The following MCTP1 variants were observed in gnomAD, a reference collection of about 807,000 sequenced individuals.
MCTP1 encodes the protein multiple C2 and transmembrane domain containing 1.
In MCTP1, 69 loss-of-function variants were observed where a neutral mutation model predicts 120.6. The observed-to-expected ratio is 0.57, with a 90% confidence interval of 0.47 to 0.70. The LOEUF is 0.70. MCTP1 is among the 30% of genes least tolerant of loss of function. The pLI is 0.00. For synonymous variants in MCTP1, 529 were observed against 493.1 expected (o/e 1.07, Z -0.96); for missense variants, 1,203 against 1,248.8 (o/e 0.96, Z 0.55).
chr5:94,826,633 C>A, intron 17 of MCTP1: 1 of 773,010 alleles, frequency 1.3e-6, no homozygotes. Context: ...AATTCCTTCA[C>A]TTTTTCTTGA....
chr5:94,797,150 T>G (rs757564730), intron 18 of MCTP1, among the ~76,000 whole-genome samples: 1 of 152,112 alleles, frequency 6.6e-6, no homozygotes, highest in South Asian at 2.1e-4. Flanking sequence ...AAAGGATACA[T>G]TATATATTAT....
At chr5:95,013,400 A>T (rs1475174810) in intron 2 of MCTP1, among the ~76,000 whole-genome samples, 1 of 152,188 alleles carries the variant, frequency 6.6e-6, no homozygotes, top group Non-Finnish European at 1.5e-5. Context: ...TTGGAAGAAG[A>T]TGCCATCGAG....
At chr5:95,061,129 G>A (rs1229298579) in intron 1 of MCTP1, among the ~76,000 whole-genome samples, 1 of 151,468 alleles carries the variant, frequency 6.6e-6, no homozygotes, top group Non-Finnish European at 1.5e-5. Context: ...GGTCATGGGA[G>A]ATGCATTGAC....
At chr5:94,711,884 T>G (rs1757169585) in intron 20 of MCTP1, among the ~76,000 whole-genome samples, 1 of 152,120 alleles carries the variant, frequency 6.6e-6, no homozygotes, top group African/African-American at 2.4e-5. Context: ...CTTAAGGCTT[T>G]TTGTGTGGAA....
At chr5:94,959,761 A>G (rs1427922336) in intron 2 of MCTP1, among the ~76,000 whole-genome samples, 1 of 152,206 alleles carries the variant, frequency 6.6e-6, no homozygotes, top group Non-Finnish European at 1.5e-5. Context: ...TGCTCAAGGA[A>G]ATAAGAGAGG....
chr5:95,201,477 T>G (rs1217936708), intron 1 of MCTP1, among the ~76,000 whole-genome samples: 11 of 3,232 alleles, frequency 3.4e-3, no homozygotes, highest in South Asian at 0.031. Flanking sequence ...TTTTTTTTTT[T>G]TTTTTTTTTT....
At chr5:94,876,091 C>A (rs983992626) in intron 12 of MCTP1, among the ~76,000 whole-genome samples, 1 of 152,056 alleles carries the variant, frequency 6.6e-6, no homozygotes, top group African/African-American at 2.4e-5. Flanking sequence ...AAAGCATGGA[C>A]TATAGTTGTA....
intron 1 of MCTP1, among the ~76,000 whole-genome samples, chr5:95,140,693 TAAAAAAAAAAAA>T (rs35248317): frequency 5.8e-3 from 159 of 27,624 alleles, no homozygotes; most frequent in African/African-American, 0.015. Context: ...CTGTCCCTAC[TAAAAAAAAAAAA>T]AAAAAAAAAA....
At chr5:94,900,659 G>A (rs1805268002) in intron 10 of MCTP1, among the ~76,000 whole-genome samples, 1 of 152,202 alleles carries the variant, frequency 6.6e-6, no homozygotes. Flanking sequence ...ACTTCAGAAT[G>A]AGCACAGATT....
intron 19 of MCTP1, among the ~76,000 whole-genome samples, chr5:94,722,307 A>T (rs554112653): frequency 1.3e-5 from 2 of 152,222 alleles, no homozygotes; most frequent in South Asian, 4.1e-4. Context: ...ATCGGGGTGA[A>T]TATTCTGGGA....
chr5:95,246,240 C>T (rs1389510499), intron 1 of MCTP1, among the ~76,000 whole-genome samples: 1 of 152,168 alleles, frequency 6.6e-6, no homozygotes, highest in Non-Finnish European at 1.5e-5. Context: ...ATTGTAAAGA[C>T]CATTGACGCT....
chr5:95,177,751 C>T (rs982616478), intron 1 of MCTP1, among the ~76,000 whole-genome samples: 3 of 152,156 alleles, frequency 2.0e-5, no homozygotes, highest in Non-Finnish European at 2.9e-5. Flanking sequence ...TGTACACTGA[C>T]TGGTAACCAA....
At chr5:94,896,833 T>A (rs1416698330) in intron 10 of MCTP1, among the ~76,000 whole-genome samples, 1 of 152,178 alleles carries the variant, frequency 6.6e-6, no homozygotes, top group Non-Finnish European at 1.5e-5. Flanking sequence ...GATTTGTGAT[T>A]CTTGCAGTCT....
rs79897484 is a variant in MCTP1, at chr5:95,086,306, A to G, written c.721-68822T>C. Among the ~76,000 whole-genome samples the G allele has an allele frequency of 4.5e-3, 686 of 152,312 alleles. 9 individuals carry two copies. Among genetic ancestry groups the G allele is most frequent in the African/African-American group, 0.016 (654 of 41,574 alleles). On this transcript the variant is annotated intron_variant, in intron 1 of 22. Transcript: ENST00000515393. ...ATGAAGGAGACCATAGAGTCAATAC[A>G]TACACATTTACAGACTAATTGAAGA...
intron 1 of MCTP1, among the ~76,000 whole-genome samples, chr5:95,067,579 C>A (rs558044896): frequency 6.6e-6 from 1 of 151,852 alleles, no homozygotes; most frequent in Non-Finnish European, 1.5e-5. Flanking sequence ...AACTAAGATA[C>A]ATTTACTATT....
intron 1 of MCTP1, among the ~76,000 whole-genome samples, chr5:95,168,058 G>C (rs1362953148): frequency 4.6e-5 from 7 of 152,124 alleles, no homozygotes; most frequent in Non-Finnish European, 1.0e-4. Flanking sequence ...AATCCATCTT[G>C]AATTAATTTT....
chr5:94,714,085 T>C (rs1231340175), intron 20 of MCTP1, among the ~76,000 whole-genome samples: 1 of 152,082 alleles, frequency 6.6e-6, no homozygotes, highest in African/African-American at 2.4e-5. Context: ...TAAATACACC[T>C]TTTAAAAAAA....
chr5:94,947,577 T>TATATATATATAGAGAGAGAGAGAG, intron 3 of MCTP1, among the ~76,000 whole-genome samples: 6 of 47,396 alleles, frequency 1.3e-4, no homozygotes, highest in Non-Finnish European at 2.0e-4. Flanking sequence ...TATATATATA[T>TATATATATATAGAGAGAGAGAGAG]AGAGAGAGAG....
intron 5 of MCTP1, among the ~76,000 whole-genome samples, chr5:94,935,765 T>G (rs1816034835): frequency 6.6e-6 from 1 of 152,098 alleles, no homozygotes; most frequent in Non-Finnish European, 1.5e-5. Context: ...AAATTTGCCT[T>G]TATTCCTTTC....
Sources: gnomAD v4.1 joint callset for allele counts (sites outside exome capture counted in the v4.1 genomes callset) on GRCh38, gnomAD v4.1.1 for gene constraint, MANE v1.5 for transcripts, NCBI Gene and HGNC (gene_info 2026-07-23, HGNC 2026-07-21) for gene names.